Variants in IQCM observed in about 807,000 individuals in gnomAD.
IQCM encodes the protein IQ motif containing M, also known as IQ domain-containing protein M.
A neutral mutation model predicts 57.6 loss-of-function variants in IQCM; 45 were observed. The observed-to-expected ratio is 0.78, with a 90% CI of 0.62 to 1.00. The LOEUF is 1.00. Ranked by LOEUF, IQCM falls within the 50% of genes least tolerant of loss-of-function variation. The probability of loss-of-function intolerance (pLI) is 0.00; values close to 1 mark genes in which losing one functional copy is unlikely to be tolerated. For missense variants in IQCM, 468 were observed against 511.6 expected (o/e 0.91, Z 0.82); for synonymous variants, 148 against 158.9 (o/e 0.93, Z 0.51).
chr4:149,569,486 C>T (rs1750953726), intron 9 of IQCM, among the ~76,000 whole-genome samples: 1 of 152,110 alleles, frequency 6.6e-6, no homozygotes, highest in South Asian at 2.1e-4. Context: ...TTCCTCTCCA[C>T]TCTGAGATTG....
At chr4:149,737,397 TGATG>T (rs1294190039) in intron 3 of IQCM, among the ~76,000 whole-genome samples, 2 of 152,190 alleles carry the variant, frequency 1.3e-5, no homozygotes, top group East Asian at 3.8e-4. Flanking sequence ...GCATGTTGAT[TGATG>T]GATGGGTATG....
intron 7 of IQCM, among the ~76,000 whole-genome samples, chr4:149,657,837 T>C (rs1759770611): frequency 6.6e-6 from 1 of 152,008 alleles, no homozygotes; most frequent in Non-Finnish European, 1.5e-5. Flanking sequence ...CTCTTGCCCA[T>C]TTGTTACTTG....
intron 12 of IQCM, among the ~76,000 whole-genome samples, chr4:149,543,909 A>T (rs1420895174): frequency 2.0e-5 from 3 of 152,194 alleles, no homozygotes; most frequent in African/African-American, 7.2e-5. Flanking sequence ...AAATAGGTGA[A>T]CAAATATTTA....
At chr4:149,703,307 T>C (rs886578087) in intron 5 of IQCM, among the ~76,000 whole-genome samples, 6 of 151,974 alleles carry the variant, frequency 3.9e-5, no homozygotes, top group African/African-American at 1.4e-4. Context: ...AATGGGTTTA[T>C]GGAATTAACA....
intron 13 of IQCM, among the ~76,000 whole-genome samples, chr4:149,430,418 T>C (rs1168767910): frequency 6.6e-6 from 1 of 151,974 alleles, no homozygotes; most frequent in East Asian, 1.9e-4. Context: ...CTTTTTACTT[T>C]GTACATCCAT....
chr4:149,493,999 A>G (rs1742382216), intron 12 of IQCM, among the ~76,000 whole-genome samples: 1 of 151,688 alleles, frequency 6.6e-6, no homozygotes, highest in South Asian at 2.1e-4. Context: ...ATTAGGAAGC[A>G]TGGTTCAAGC....
intron 9 of IQCM, among the ~76,000 whole-genome samples, chr4:149,573,376 TC>T (rs1751345761): frequency 6.6e-6 from 1 of 151,844 alleles, no homozygotes; most frequent in African/African-American, 2.4e-5. Flanking sequence ...AGACCTTCCT[TC>T]AAAGATTGTT....
intron 13 of IQCM, among the ~76,000 whole-genome samples, chr4:149,385,155 G>A (rs902767940): frequency 6.6e-6 from 1 of 152,056 alleles, no homozygotes; most frequent in Non-Finnish European, 1.5e-5. Context: ...ATATTCCGGA[G>A]CTTAAATGTT....
chr4:149,713,374 A>G (rs137985151), intron 5 of IQCM, among the ~76,000 whole-genome samples: 226 of 152,282 alleles, frequency 1.5e-3, no homozygotes, highest in African/African-American at 5.2e-3. Context: ...TGTTTGAGAA[A>G]ACACAAAGCC....
At chr4:149,660,244 C>T (rs2150152409) in intron 7 of IQCM, among the ~76,000 whole-genome samples, 1 of 152,032 alleles carries the variant, frequency 6.6e-6, no homozygotes, top group East Asian at 1.9e-4. Context: ...CTCACCATCA[C>T]TGGCCATCAG....
intron 2 of IQCM, among the ~76,000 whole-genome samples, chr4:149,795,818 C>T (rs1297622312): frequency 1.3e-5 from 2 of 152,136 alleles, no homozygotes; most frequent in Non-Finnish European, 2.9e-5. Context: ...CTAGAAACAC[C>T]CTGGGCCAGA....
At chr4:149,475,380 G>A (rs1210614062) in intron 12 of IQCM, among the ~76,000 whole-genome samples, 1 of 152,242 alleles carries the variant, frequency 6.6e-6, no homozygotes, top group East Asian at 1.9e-4. Flanking sequence ...GGCCAATTTG[G>A]ACTATAATCA....
intron 3 of IQCM, among the ~76,000 whole-genome samples, chr4:149,739,616 G>T (rs1040364651): frequency 2.0e-5 from 3 of 151,774 alleles, no homozygotes; most frequent in African/African-American, 7.3e-5. Flanking sequence ...TCATACATAG[G>T]ATTCTTCATG....
At chr4:149,356,242 A>C (rs2110884253) in intron 13 of IQCM, among the ~76,000 whole-genome samples, 1 of 152,212 alleles carries the variant, frequency 6.6e-6, no homozygotes, top group African/African-American at 2.4e-5. Context: ...GAAGCTCTTT[A>C]GTTTAATTAG....
intron 2 of IQCM, among the ~76,000 whole-genome samples, chr4:149,757,686 C>T (rs1769110354): frequency 6.6e-6 from 1 of 151,978 alleles, no homozygotes; most frequent in Non-Finnish European, 1.5e-5. Context: ...CTTTTTAGCA[C>T]ACACAAATTA....
At chr4:149,442,669 T>C (rs1736065822) in intron 12 of IQCM, among the ~76,000 whole-genome samples, 1 of 151,938 alleles carries the variant, frequency 6.6e-6, no homozygotes, top group Non-Finnish European at 1.5e-5. Context: ...CTACTAACAG[T>C]CTGTTTATAA....
chr4:149,560,963 G>C (rs377070753), intron 10 of IQCM, among the ~76,000 whole-genome samples: 40 of 152,194 alleles, frequency 2.6e-4, no homozygotes, highest in African/African-American at 8.4e-4. Context: ...CCTTCACACA[G>C]GCACAGTCTA....
Position 149,682,557 on chromosome 4 carries a change from G to A in IQCM, c.477-351C>T, listed in dbSNP as rs114356350. On this transcript the variant is annotated intron_variant, in intron 6 of 13. Transcript: ENST00000636793. Reference sequence around the variant, plus strand: ...GCATGTTTTCCTAACATGATTGAGAGAGCTTCAATCTCAACAGCTGAATAA... The same window carrying A: ...GCATGTTTTCCTAACATGATTGAGAAAGCTTCAATCTCAACAGCTGAATAA... 5.5e-3 allele frequency among the ~76,000 whole-genome samples: 837 copies of A among 151,130 alleles called. 4 individuals carry two copies. Among genetic ancestry groups the A allele is most frequent in the Middle Eastern group, 0.01 (3 of 294 alleles).
intron 2 of IQCM, chr4:149,790,263 T>C: frequency 7.6e-6 from 2 of 263,968 alleles, no homozygotes; most frequent in Non-Finnish European, 1.5e-5. Flanking sequence ...GATCAAATAA[T>C]GTGATGATAT....
Sources: allele counts gnomAD v4.1 joint callset (sites outside exome capture counted in the v4.1 genomes callset), GRCh38; gene constraint gnomAD v4.1.1; transcripts MANE v1.5; gene names NCBI Gene and HGNC (gene_info 2026-07-23, HGNC 2026-07-21).